Variants in DLG2 observed in about 807,000 individuals in gnomAD.
DLG2 encodes the protein discs large MAGUK scaffold protein 2, also known as disks large homolog 2.
In DLG2, 45 loss-of-function variants were observed where a neutral mutation model predicts 132.5. The observed-to-expected ratio is 0.34, with a 90% CI of 0.27 to 0.44. DLG2 has a LOEUF of 0.44. DLG2 is among the 20% of genes least tolerant of loss of function. The pLI, the probability that DLG2 is intolerant of heterozygous loss-of-function variation, is 1.00. For missense variants in DLG2, 1,045 were observed against 1,196.9 expected (o/e 0.87, Z 1.87); for synonymous variants, 424 against 419.6 (o/e 1.01, Z -0.13).
chr11:83,883,248 C>T (rs1462894334), intron 15 of DLG2, among the ~76,000 whole-genome samples: 1 of 152,092 alleles, frequency 6.6e-6, no homozygotes, highest in Non-Finnish European at 1.5e-5. Flanking sequence ...CGTCTGGCCA[C>T]AGTTTTGATG....
At chr11:84,057,843 A>G (rs926240837) in intron 11 of DLG2, among the ~76,000 whole-genome samples, 1 of 152,170 alleles carries the variant, frequency 6.6e-6, no homozygotes, top group Admixed American at 6.6e-5. Context: ...GAGGTTAAGC[A>G]ATTTGCTCAA....
intron 7 of DLG2, among the ~76,000 whole-genome samples, chr11:84,432,301 A>C (rs758723882): frequency 6.6e-6 from 1 of 152,206 alleles, no homozygotes; most frequent in Non-Finnish European, 1.5e-5. Context: ...GTAGTTCAGA[A>C]TTCTGGATTT....
chr11:84,341,622 A>G (rs1241330301), intron 7 of DLG2, among the ~76,000 whole-genome samples: 1 of 152,232 alleles, frequency 6.6e-6, no homozygotes, highest in Admixed American at 6.5e-5. Flanking sequence ...GAATCACTGC[A>G]TAACAAGACA....
chr11:84,087,316 T>A (rs77677654), intron 10 of DLG2, among the ~76,000 whole-genome samples: 3 of 152,236 alleles, frequency 2.0e-5, no homozygotes, highest in Admixed American at 1.3e-4. Context: ...CCAACACTTA[T>A]ACTGTCCATC....
intron 6 of DLG2, among the ~76,000 whole-genome samples, chr11:84,725,904 T>A (rs906962025): frequency 6.6e-6 from 1 of 152,086 alleles, no homozygotes; most frequent in African/African-American, 2.4e-5. Flanking sequence ...CCAATATGTA[T>A]AATCTCTTTA....
intron 21 of DLG2, among the ~76,000 whole-genome samples, chr11:83,507,569 A>G (rs915691884): frequency 2.1e-5 from 3 of 145,416 alleles, no homozygotes; most frequent in African/African-American, 7.5e-5. Context: ...AAGTATATAT[A>G]TCCTATAGAT....
chr11:84,912,339 G>A (rs1223423361), intron 6 of DLG2, among the ~76,000 whole-genome samples: 1 of 152,088 alleles, frequency 6.6e-6, no homozygotes, highest in Admixed American at 6.6e-5. Flanking sequence ...GTATTTTTTG[G>A]TAGAGACAGG....
At chr11:85,207,872 G>A (rs1342264254) in intron 4 of DLG2, among the ~76,000 whole-genome samples, 1 of 151,454 alleles carries the variant, frequency 6.6e-6, no homozygotes, top group Non-Finnish European at 1.5e-5. Flanking sequence ...CCTTCTGCTT[G>A]ATTGCCCTTT....
chr11:83,689,963 TATATATTTATATTATA>T (rs1400984274), intron 18 of DLG2, among the ~76,000 whole-genome samples: 2 of 129,512 alleles, frequency 1.5e-5, no homozygotes, highest in Non-Finnish European at 3.3e-5. Flanking sequence ...ATTTATATAA[TATATATTTATATTATA>T]ATATATTTAT....
At chr11:84,370,421 T>C (rs1198043310) in intron 7 of DLG2, among the ~76,000 whole-genome samples, 1 of 152,102 alleles carries the variant, frequency 6.6e-6, no homozygotes, top group Non-Finnish European at 1.5e-5. Context: ...ATGGTAATAG[T>C]AGGAAGTTTG....
intron 19 of DLG2, among the ~76,000 whole-genome samples, chr11:83,623,384 C>G (rs1438282475): frequency 6.6e-6 from 1 of 152,200 alleles, no homozygotes; most frequent in Non-Finnish European, 1.5e-5. Context: ...CAGTTAAACT[C>G]TCTCCAATTT....
chr11:83,941,167 C>T (rs1464211569), intron 14 of DLG2, among the ~76,000 whole-genome samples: 1 of 152,120 alleles, frequency 6.6e-6, no homozygotes, highest in Non-Finnish European at 1.5e-5. Context: ...ACATGAGGCA[C>T]ATTTATACTG....
At chr11:84,430,437 CAA>C (rs556329699) in intron 7 of DLG2, among the ~76,000 whole-genome samples, 1 of 70,110 alleles carries the variant, frequency 1.4e-5, no homozygotes, top group Non-Finnish European at 2.6e-5. Context: ...GACTCCATCT[CAA>C]AAAAAAAAAA....
chr11:83,621,247 T>A (rs747725924), intron 19 of DLG2, among the ~76,000 whole-genome samples: 1 of 152,200 alleles, frequency 6.6e-6, no homozygotes, highest in Non-Finnish European at 1.5e-5. Context: ...AGTTGTCAAT[T>A]CCCTATCAAC....
At position 83,804,625 on chromosome 11, in the gene DLG2, G is replaced by A. The variant is rs1249094609; in HGVS notation, c.1723-17833C>T. On this transcript the variant is annotated intron_variant, in intron 17 of 27. Transcript: ENST00000376104. ...ACACACACAGACACACACTTTTTCTGAACCATTTGAATTATGTTGCAGACG... is the reference window on the plus strand; with the variant it reads ...ACACACACAGACACACACTTTTTCTAAACCATTTGAATTATGTTGCAGACG... 3.6e-5 allele frequency among the ~76,000 whole-genome samples: 3 copies of A among 84,292 alleles called. No homozygotes were observed. The East Asian group carries it at 1.0e-3, about 29-fold the overall frequency. 55.3% of individuals were successfully genotyped at this position (84,292 alleles called of 152,430 possible).
At chr11:83,594,646 A>G (rs77067413) in intron 19 of DLG2, among the ~76,000 whole-genome samples, 6,332 of 152,266 alleles carry the variant, frequency 0.042, 470 homozygotes, top group African/African-American at 0.15. Context: ...TATAAAGGAT[A>G]CTTAGAAGAG....
At chr11:83,678,446 C>A (rs1260202305) in intron 18 of DLG2, among the ~76,000 whole-genome samples, 3 of 152,150 alleles carry the variant, frequency 2.0e-5, no homozygotes, top group Non-Finnish European at 4.4e-5. Flanking sequence ...TCCTGCACTA[C>A]AAAAGACCTT....
At chr11:85,489,474 C>T (rs747540173) in intron 3 of DLG2, among the ~76,000 whole-genome samples, 3 of 152,002 alleles carry the variant, frequency 2.0e-5, no homozygotes, top group Non-Finnish European at 4.4e-5. Context: ...GACTTCAACA[C>T]CCCCACTGAT....
intron 6 of DLG2, among the ~76,000 whole-genome samples, chr11:84,724,953 T>A (rs137979188): frequency 6.6e-6 from 1 of 152,278 alleles, no homozygotes; most frequent in African/African-American, 2.4e-5. Context: ...ATGCAGCAGA[T>A]CTTAAAACAT....
Sources: allele counts gnomAD v4.1 joint callset (sites outside exome capture counted in the v4.1 genomes callset), GRCh38; gene constraint gnomAD v4.1.1; transcripts MANE v1.5; gene names NCBI Gene and HGNC (gene_info 2026-07-23, HGNC 2026-07-21).